Variants in PRSS55 observed in about 807,000 individuals in gnomAD.
The protein encoded by PRSS55 is serine protease 55, also known as probable serine protease UNQ9391/PRO34284.
In PRSS55, 41 loss-of-function variants were observed where a neutral mutation model predicts 23.6. The ratio of observed to expected loss-of-function variants is 1.74; its 90% CI spans 1.35 to 2.26. The LOEUF (loss-of-function observed/expected upper bound fraction) is 2.26. Among genes scored for constraint, PRSS55 ranks in the 30% most tolerant of loss-of-function variants. PRSS55 has a pLI of 0.00. For missense variants in PRSS55, 669 were observed against 439.1 expected, an observed-to-expected ratio of 1.52 and a Z score of -4.68; for synonymous variants, 262 against 175.5, an observed-to-expected ratio of 1.49 and a Z score of -3.90.
intron 4 of PRSS55, chr8:10,545,066 A>C (rs1294467620): frequency 1.0e-6 from 1 of 960,874 alleles, no homozygotes; most frequent in East Asian, 1.1e-4. Flanking sequence ...TGTGAGGAAA[A>C]AGACCAGGGC....
At chr8:10,545,977 G>A (rs545862327) in intron 4 of PRSS55, among the ~76,000 whole-genome samples, 1 of 152,070 alleles carries the variant, frequency 6.6e-6, no homozygotes, top group Non-Finnish European at 1.5e-5. Context: ...CCAGAGCGCT[G>A]TCCTCAGATT....
chr8:10,532,857 G>A (rs778032334), intron 3 of PRSS55, 49 bp from the exon 4 acceptor site: 7 of 1,610,908 alleles, frequency 4.3e-6, no homozygotes, highest in Admixed American at 3.3e-5. Flanking sequence ...CACGAACGTG[G>A]GGACATGAGG....
downstream of PRSS55, chr8:10,538,871 T>G: frequency 7.2e-7 from 1 of 1,394,472 alleles, no homozygotes; most frequent in Non-Finnish European, 9.6e-7. Context: ...TGTCTGCAGC[T>G]CAGGGCTCAA....
chr8:10,525,577 C>G lies in PRSS55; in HGVS notation c.-9C>G, dbSNP rs200761955. ...TGTCACCCCCGGGCCCACAGCACAG[C>G]CCAGGGCCATGCTCCTGTTCTCAGT... On this transcript the variant is annotated 5_prime_UTR_variant, in exon 1 of 5. Transcript: ENST00000328655. 4.3e-6 allele frequency: 7 copies of G among 1,613,496 alleles called. No individual in the cohort carries two copies. In the African/African-American group the frequency reaches 8.0e-5, roughly 18 times the overall value.
intron 3 of PRSS55, chr8:10,531,828 A>G (rs1812277801): frequency 2.3e-6 from 1 of 427,664 alleles, no homozygotes; most frequent in Admixed American, 3.9e-5. Context: ...AGGCCCCTCT[A>G]CTCTGTATTC....
At chr8:10,533,180 C>A in intron 4 of PRSS55, 132 bp downstream of exon 4, 1 of 959,606 alleles carries the variant, frequency 1.0e-6, no homozygotes, top group Non-Finnish European at 1.5e-6. Flanking sequence ...GGGCCTGCAG[C>A]CATGAGAATG....
intron 1 of PRSS55, 84 bp from the exon 2 acceptor site, chr8:10,529,423 C>T: frequency 7.2e-7 from 1 of 1,385,400 alleles, no homozygotes; most frequent in Non-Finnish European, 1.0e-6. Flanking sequence ...TGGAAGCCTG[C>T]TCCTCCCAGC....
rs11986576 is a variant in PRSS55 at position 10,529,409 on chromosome 8, C to T, written c.155-98C>T. On this transcript the variant is annotated intron_variant, in intron 1 of 4. Coordinates refer to ENST00000328655, the MANE Select transcript of PRSS55 (RefSeq NM_198464.4). Reference sequence around the variant, plus strand: ...TCTCTAGAATGGGGATGAGGATATCCACTTGGAAGCCTGCTCCTCCCAGCC... The same window carrying T: ...TCTCTAGAATGGGGATGAGGATATCTACTTGGAAGCCTGCTCCTCCCAGCC... 3.6e-3 allele frequency: 4,326 copies of T among 1,215,278 alleles called. 96 individuals are homozygous for T. The African/African-American group carries it at 0.055, about 16-fold the overall frequency. 75.3% of individuals were successfully genotyped at this position (1,215,278 alleles called of 1,614,324 possible). A position where few individuals can be genotyped will look rare whatever the true frequency, so the allele number is the denominator to read the frequency against.
chr8:10,530,207 C>T (rs368772107), intron 2 of PRSS55, among the ~76,000 whole-genome samples: 3 of 152,372 alleles, frequency 2.0e-5, no homozygotes, highest in Admixed American at 6.5e-5. Flanking sequence ...CGGTGGCTCA[C>T]GCCTGTCATC....
chr8:10,532,163 G>A (rs1391821665), intron 3 of PRSS55, among the ~76,000 whole-genome samples: 1 of 152,200 alleles, frequency 6.6e-6, no homozygotes, highest in East Asian at 1.9e-4. Context: ...CCACAGGGAT[G>A]ATTTGCAGCG....
At position 10,529,529 on chromosome 8, in the gene PRSS55, C is replaced by T. The variant is rs542089482; in HGVS notation, c.177C>T (p.Phe59=). The change falls in exon 2 of 5, where the codon TTC becomes TTT. Residue 59 remains phenylalanine, a synonymous_variant. Coordinates refer to ENST00000328655, the MANE Select transcript of PRSS55 (RefSeq NM_198464.4). ...CAGAATGTGGTGACAGATCTATTTT[C>T]GAGGGAAGAACTCGGTATTCCAGAA... ...PVSECGDRSI[F]EGRTRYSRIT... 3.3e-5 allele frequency: 53 copies of T among 1,614,128 alleles called. No individual in the cohort carries two copies. Among genetic ancestry groups the T allele is most frequent in the African/African-American group, 2.1e-4 (16 of 75,042 alleles).
intron 4 of PRSS55, among the ~76,000 whole-genome samples, chr8:10,552,277 G>A (rs1377351174): frequency 6.6e-6 from 1 of 152,180 alleles, no homozygotes; most frequent in Non-Finnish European, 1.5e-5. Flanking sequence ...TGAAATCATG[G>A]GAGTGTTAAT....
At chr8:10,531,213 G>C (rs1399655106) in intron 2 of PRSS55, 82 bp from the exon 3 acceptor site, 7 of 1,552,560 alleles carry the variant, frequency 4.5e-6, no homozygotes, top group African/African-American at 1.4e-5. Context: ...ATGGGATTTA[G>C]GTTTCTGGGC....
Position 10,534,322 on chromosome 8 carries a change from G to C in PRSS55, c.741+1274G>C, listed in dbSNP as rs563613401. The stretch of plus-strand genomic sequence containing the variant: ...GGAGATCCTCAGGTATTTCTTTATA[G>C]TGATGCAAGAACGCACTACACACAT... On this transcript the variant is annotated intron_variant, in intron 4 of 4. Coordinates refer to ENST00000328655, the MANE Select transcript of PRSS55 (RefSeq NM_198464.4). Among the ~76,000 whole-genome samples the C allele has an allele frequency of 2.0e-5, 3 of 152,282 alleles. No individual in the cohort carries two copies. The East Asian group carries it at 5.8e-4, about 29-fold the overall frequency.
chr8:10,539,419 A>G (rs1052813710), downstream of PRSS55, among the ~76,000 whole-genome samples: 3 of 152,232 alleles, frequency 2.0e-5, no homozygotes. Context: ...ACTCCTGTCC[A>G]TAAAAACGAA....
chr8:10,552,522 G>C (rs2117089179), intron 4 of PRSS55, among the ~76,000 whole-genome samples: 1 of 152,336 alleles, frequency 6.6e-6, no homozygotes, highest in Middle Eastern at 3.4e-3. Flanking sequence ...TGCAAACCAT[G>C]CATCTTTTAA....
chr8:10,531,935 G>C (rs1170665559), intron 3 of PRSS55, among the ~76,000 whole-genome samples: 1 of 152,226 alleles, frequency 6.6e-6, no homozygotes, highest in African/African-American at 2.4e-5. Flanking sequence ...CGGTCCTGGA[G>C]CGTTGCCTGG....
intron 1 of PRSS55, among the ~76,000 whole-genome samples, chr8:10,527,305 A>T (rs1812064750): frequency 6.6e-6 from 1 of 152,228 alleles, no homozygotes; most frequent in East Asian, 1.9e-4. Context: ...AGATCGCTGC[A>T]GTGAACATCA....
At chr8:10,536,440 T>C (rs116569654) in intron 4 of PRSS55, among the ~76,000 whole-genome samples, 1,967 of 152,272 alleles carry the variant, frequency 0.013, 45 homozygotes, top group African/African-American at 0.045. Flanking sequence ...GTTCAGCCAC[T>C]GTAAAAAGCA....
Sources: gnomAD v4.1 joint callset for allele counts (sites outside exome capture counted in the v4.1 genomes callset) on GRCh38, gnomAD v4.1.1 for gene constraint, MANE v1.5 for transcripts, NCBI Gene and HGNC (gene_info 2026-07-23, HGNC 2026-07-21) for gene names.